SBNO1: variants seen among roughly 807,000 people sequenced by gnomAD.
SBNO1 encodes protein strawberry notch homolog 1.
A neutral mutation model predicts 173.6 loss-of-function variants in SBNO1; 23 were observed. The ratio of observed to expected loss-of-function variants is 0.13; its 90% confidence interval spans 0.10 to 0.19. The LOEUF (loss-of-function observed/expected upper bound fraction) is 0.19. Among genes scored for constraint, SBNO1 ranks in the 10% least tolerant of loss-of-function variants. The probability of loss-of-function intolerance (pLI) is 1.00; values close to 1 mark genes in which losing one functional copy is unlikely to be tolerated. For synonymous variants in SBNO1, 632 were observed against 571.5 expected (o/e 1.11, Z -1.51); for missense variants, 1,238 against 1,671.2 (o/e 0.74, Z 4.52).
chr12:123,303,015 C>A (rs2048833707), intron 29 of SBNO1, 115 bp from the exon 30 acceptor site: 1 of 761,794 alleles, frequency 1.3e-6, no homozygotes, highest in Admixed American at 2.4e-5. Context: ...ACACAAAAAG[C>A]CTAACCCTTG....
chr12:123,303,922 CTTTTTT>C (rs11413728), intron 29 of SBNO1, among the ~76,000 whole-genome samples: 49 of 100,464 alleles, frequency 4.9e-4, no homozygotes, highest in African/African-American at 1.7e-3. Context: ...AATAAGTATT[CTTTTTT>C]TTTTTTTTTT....
At chr12:123,361,440 C>G (rs149079806) in intron 1 of SBNO1, among the ~76,000 whole-genome samples, 1 of 148,096 alleles carries the variant, frequency 6.8e-6, no homozygotes, top group Non-Finnish European at 1.5e-5. Flanking sequence ...CCCAGCTACT[C>G]GGGAGGCTGA....
chr12:123,355,986 C>T (rs1326933304), intron 1 of SBNO1, among the ~76,000 whole-genome samples: 1 of 152,102 alleles, frequency 6.6e-6, no homozygotes, highest in African/African-American at 2.4e-5. Context: ...AATACCAACA[C>T]AGAAAGTTAC....
At position 123,345,566 on chromosome 12, in the gene SBNO1, T is replaced by C. The variant is rs1873023701; in HGVS notation, c.242A>G (p.Gln81Arg). Residue 81 changes from glutamine to arginine, a missense_variant, in exon 4 of 32, where the codon CAG (glutamine) becomes CGG (arginine). By Grantham distance (43) the Gln-to-Arg change is conservative. Around this residue, in one of 14 missense-constraint regions of SBNO1, gnomAD observed 287 missense variants for 274.1 expected, o/e 1.05. Coordinates refer to ENST00000602398, the MANE Select transcript of SBNO1 (RefSeq NM_001167856.3). ...CACAAATGTTGTAGTAGATGGAGGC[T>C]GCTGCTAGATAGAAAACAAAAAACA... ...PTPALLNVRQ[Q>R]PPSTTTFVLN... is the part of the protein sequence containing the mutation. 4 of 1,611,302 alleles carry C rather than the reference T, an allele frequency of 2.5e-6. No homozygotes were observed. The highest frequency in any genetic ancestry group is 2.5e-6 in the Non-Finnish European group (3 of 1,177,848).
intron 6 of SBNO1, among the ~76,000 whole-genome samples, chr12:123,335,114 C>G (rs1234666528): frequency 6.6e-6 from 1 of 152,194 alleles, no homozygotes; most frequent in Non-Finnish European, 1.5e-5. Context: ...TTGCTTGAGC[C>G]TTGTAGGCTA....
At chr12:123,297,630 T>C (rs1162912100) in intron 31 of SBNO1, among the ~76,000 whole-genome samples, 1 of 151,874 alleles carries the variant, frequency 6.6e-6, no homozygotes, top group East Asian at 1.9e-4. Context: ...CACAGTGGCT[T>C]TTGAATTCCA....
At chr12:123,346,265 T>C (rs1396070473) in intron 3 of SBNO1, among the ~76,000 whole-genome samples, 1 of 152,146 alleles carries the variant, frequency 6.6e-6, no homozygotes, top group Non-Finnish European at 1.5e-5. Flanking sequence ...AAAAGACTAG[T>C]AACAGAAAGT....
chr12:123,305,575 G>A (rs1261704448), intron 28 of SBNO1, among the ~76,000 whole-genome samples: 1 of 152,084 alleles, frequency 6.6e-6, no homozygotes, highest in Non-Finnish European at 1.5e-5. Flanking sequence ...CAGGTTCAAG[G>A]CGATTCTCCT....
At chr12:123,350,078 C>G (rs1873702026) in intron 2 of SBNO1, among the ~76,000 whole-genome samples, 1 of 151,948 alleles carries the variant, frequency 6.6e-6, no homozygotes, top group Admixed American at 6.6e-5. Context: ...ACATGGCAAA[C>G]CCTGTCTCTA....
At chr12:123,300,998 T>C (rs1248579035) in intron 30 of SBNO1, among the ~76,000 whole-genome samples, 2 of 150,230 alleles carry the variant, frequency 1.3e-5, no homozygotes. Context: ...AAACCCAAGT[T>C]AGTAGGTTAA....
intron 1 of SBNO1, among the ~76,000 whole-genome samples, chr12:123,355,211 G>A (rs1300273588): frequency 6.6e-6 from 1 of 152,078 alleles, no homozygotes; most frequent in African/African-American, 2.4e-5. Context: ...AGTAGAGACA[G>A]GGTTTCATCA....
intron 7 of SBNO1, among the ~76,000 whole-genome samples, chr12:123,333,465 C>G (rs1871467491): frequency 6.6e-6 from 1 of 151,978 alleles, no homozygotes; most frequent in East Asian, 1.9e-4. Flanking sequence ...GAACACACTC[C>G]TAGGAATGGG....
intron 2 of SBNO1, among the ~76,000 whole-genome samples, chr12:123,349,599 A>C (rs1873643607): frequency 6.6e-6 from 1 of 152,176 alleles, no homozygotes; most frequent in African/African-American, 2.4e-5. Flanking sequence ...TCTGCCTCAT[A>C]AATCAAAATG....
chr12:123,353,549 G>C lies in SBNO1; in HGVS notation c.1-3108C>G, dbSNP rs570283117. Reference sequence around the variant, plus strand: ...AGGAAATGAATGACAGAGTTAACAGGAGAAATGTCCCAATATAGATTTCAA... The same window carrying C: ...AGGAAATGAATGACAGAGTTAACAGCAGAAATGTCCCAATATAGATTTCAA... On this transcript the variant is annotated intron_variant, in intron 1 of 31. Coordinates refer to ENST00000602398, the MANE Select transcript of SBNO1 (RefSeq NM_001167856.3). Among the ~76,000 whole-genome samples, 40 of 152,222 alleles carry C rather than the reference G, an allele frequency of 2.6e-4. No homozygotes were observed. The South Asian group carries it at 7.7e-3, about 29-fold the overall frequency.
At chr12:123,331,737 A>G (rs1174949407) in intron 7 of SBNO1, among the ~76,000 whole-genome samples, 2 of 151,784 alleles carry the variant, frequency 1.3e-5, no homozygotes, top group Admixed American at 6.6e-5. Flanking sequence ...AGCCAGGATG[A>G]TCTCGATCTC....
chr12:123,348,782 T>A (rs1873527869), intron 2 of SBNO1, among the ~76,000 whole-genome samples: 1 of 150,262 alleles, frequency 6.7e-6, no homozygotes, highest in South Asian at 2.1e-4. Flanking sequence ...AACAAATAAA[T>A]AAAACAAATA....
chr12:123,304,686 T>C lies in SBNO1; in HGVS notation c.3664A>G (p.Lys1222Glu). Reference sequence around the variant, plus strand: ...AGTTTCTTTTTAGGATTCACTTCTTTAACTAAGATGGCAGTTTTCTTGTTG... The same window carrying C: ...AGTTTCTTTTTAGGATTCACTTCTTCAACTAAGATGGCAGTTTTCTTGTTG... ...RNNKKTAILV[K>E]EVNPKKKLFL... Residue 1222 changes from lysine (K) to glutamate (E), a missense_variant, in exon 29 of 32, where the codon AAA (lysine) becomes GAA (glutamate). This residue lies in a region of SBNO1 where 351 missense variants were observed against 420.3 expected (regional missense o/e 0.84). Transcript: ENST00000602398. 1 of 1,546,428 alleles carries C rather than the reference T, an allele frequency of 6.5e-7. No homozygotes were observed. Among genetic ancestry groups the C allele is most frequent in the Non-Finnish European group, 8.9e-7 (1 of 1,123,280 alleles).
intron 5 of SBNO1, among the ~76,000 whole-genome samples, chr12:123,337,889 G>GT (rs1391220067): frequency 6.6e-6 from 1 of 152,016 alleles, no homozygotes; most frequent in East Asian, 1.9e-4. Flanking sequence ...CCTACCTATA[G>GT]TTTTTTAAAA....
At position 123,350,465 on chromosome 12, in the gene SBNO1, TAACATAAAA is replaced by T. The variant is rs200291913; in HGVS notation, c.1-33_1-25del. On this transcript the variant is annotated intron_variant, in intron 1 of 31. Coordinates refer to ENST00000602398, the MANE Select transcript of SBNO1 (RefSeq NM_001167856.3). Reference sequence around the variant, plus strand: ...ATCTTTAAAGGGAAATATTAAATATTAACATAAAAAACAAAAAGTGACAAATATTAACTC... The same window carrying T: ...ATCTTTAAAGGGAAATATTAAATATTAACAAAAAGTGACAAATATTAACTC... The T allele has an allele frequency of 9.7e-3, 15,489 of 1,598,462 alleles. 102 individuals carry two copies. The highest frequency in any genetic ancestry group is 0.012 in the Non-Finnish European group (13,651 of 1,166,432).
Sources: gnomAD v4.1 joint callset for allele counts (sites outside exome capture counted in the v4.1 genomes callset) on GRCh38, gnomAD v4.1.1 for gene constraint, gnomAD v4.1.1 regional missense constraint, MANE v1.5 for transcripts, NCBI Gene and HGNC (gene_info 2026-07-23, HGNC 2026-07-21) for gene names.